The following TATDN2 variants were observed in gnomAD, a reference collection of about 807,000 sequenced individuals.
The protein encoded by TATDN2 is 3'-5' RNA nuclease TATDN2.
A neutral mutation model predicts 60.3 loss-of-function variants in TATDN2; 44 were observed. That is an observed-to-expected ratio of 0.73 (90% CI 0.57 to 0.94). TATDN2 has a LOEUF of 0.94. Among genes scored for constraint, TATDN2 ranks in the 40% least tolerant of loss-of-function variants. The pLI is 0.00. For missense variants in TATDN2, 997 were observed against 948.0 expected (o/e 1.05, Z -0.68); for synonymous variants, 399 against 355.8 (o/e 1.12, Z -1.37).
chr3:10,260,241 G>C lies in TATDN2; in HGVS notation c.519G>C (p.Arg173Ser). The C allele has an allele frequency of 6.2e-7, 1 of 1,614,204 alleles. No individual in the cohort carries two copies. The highest frequency in any genetic ancestry group is 8.5e-7 in the Non-Finnish European group (1 of 1,180,046). ...AGGAACCCAACAAGGTCCAGAAAAG[G>C]AAGAGGGATAGACTTCGAGACCAGG... ...TIEEPNKVQK[R>S]KRDRLRDQGS... Residue 173 changes from arginine (R) to serine (S), a missense_variant, in exon 3 of 8, where the codon AGG (arginine) becomes AGC (serine). Transcript: ENST00000448281.
rs1698665591 is a variant in TATDN2 at position 10,278,174 on chromosome 3, TTTC to T, written c.1962-104_1962-102del. 7.4e-7 allele frequency: 1 copy of T among 1,344,894 alleles called. No homozygotes were observed. The highest frequency in any genetic ancestry group is 1.0e-6 in the Non-Finnish European group (1 of 973,282). 83.3% of individuals were successfully genotyped at this position (1,344,894 alleles called of 1,614,324 possible). A position where few individuals can be genotyped will look rare whatever the true frequency, so the allele number is the denominator to read the frequency against. On this transcript the variant is annotated intron_variant, in intron 5 of 7. Transcript: ENST00000448281. This position sits in a 1 kb window ranked among gnomAD's most constrained non-coding sequence, Gnocchi z 4.7. The stretch of plus-strand genomic sequence containing the variant: ...TGGAGTCCTTCCCTAGGATGCAGTC[TTTC>T]CATTTCTGGGAATCATTGAAAAGGG...
At chr3:10,266,719 A>G (rs1401520002) in intron 3 of TATDN2, among the ~76,000 whole-genome samples, 1 of 152,210 alleles carries the variant, frequency 6.6e-6, no homozygotes, top group African/African-American at 2.4e-5. Context: ...TATTTACACC[A>G]TCAGGCATGG....
intron 5 of TATDN2, among the ~76,000 whole-genome samples, chr3:10,277,827 A>G (rs1698660959): frequency 6.6e-6 from 1 of 152,258 alleles, no homozygotes; most frequent in Non-Finnish European, 1.5e-5. Context: ...TGGCACCAAG[A>G]ACATGAACAG....
rs892909885 is a variant in TATDN2 at position 10,274,420 on chromosome 3, G to A, written c.1834-1941G>A. Among the ~76,000 whole-genome samples the A allele has an allele frequency of 3.9e-5, 6 of 152,314 alleles. No individual in the cohort carries two copies. The East Asian group carries it at 1.2e-3, about 29-fold the overall frequency. ...AAATTAGGAAATTAAATAGTTTTAA[G>A]TGTCTTTTCTACTCGTGAAATTTTC... On this transcript the variant is annotated intron_variant, in intron 4 of 7. Coordinates refer to ENST00000448281, the MANE Select transcript of TATDN2 (RefSeq NM_014760.4).
chr3:10,270,327 A>G lies in TATDN2; in HGVS notation c.1145A>G (p.Tyr382Cys), dbSNP rs929618355. The G allele has an allele frequency of 1.2e-6, 2 of 1,614,048 alleles. No individual in the cohort carries two copies. The highest frequency in any genetic ancestry group is 4.5e-5 in the East Asian group (2 of 44,882). Reference protein sequence around the residue: ...PHLYSSPWCDYASYWTSSPKP... With the variant: ...PHLYSSPWCDCASYWTSSPKP... The stretch of plus-strand genomic sequence containing the variant: ...TTGTACAGTAGTCCTTGGTGTGACT[A>G]CGCCAGCTATTGGACCAGCAGCCCC... The change falls in exon 4 of 8, where the codon TAC becomes TGC. Residue 382 changes from tyrosine to cysteine, a missense_variant. Transcript: ENST00000448281.
At position 10,249,206 on chromosome 3, in the gene TATDN2, G is replaced by C; in HGVS notation, c.6G>C (p.Ala2=). ...CCTGTACCTTGCAGGTGCCCATGGC[G>C]TCCGAGCGGGGCAAGGTCAAGCACA... M[A]SERGKVKHNW... Residue 2 remains alanine (A), a synonymous_variant, in exon 2 of 8, where the codon GCG becomes GCC. Transcript: ENST00000448281. The C allele has an allele frequency of 6.6e-7, 1 of 1,511,474 alleles. No homozygotes were observed. The allele number at this position is 1,511,474 out of a possible 1,614,324, so 93.6% of individuals were successfully genotyped here.
At chr3:10,269,362 A>G (rs1317982635) in intron 3 of TATDN2, among the ~76,000 whole-genome samples, 1 of 152,236 alleles carries the variant, frequency 6.6e-6, no homozygotes, top group Non-Finnish European at 1.5e-5. Flanking sequence ...GAGGGGTCAT[A>G]GACCCCACTC....
At chr3:10,258,617 C>T (rs112633271) in intron 2 of TATDN2, among the ~76,000 whole-genome samples, 4 of 151,922 alleles carry the variant, frequency 2.6e-5, no homozygotes, top group African/African-American at 7.2e-5. Context: ...TACAGGTGCC[C>T]GCCACCATGC....
intron 3 of TATDN2, among the ~76,000 whole-genome samples, chr3:10,262,832 G>C (rs1249954193): frequency 6.6e-6 from 1 of 151,994 alleles, no homozygotes; most frequent in Non-Finnish European, 1.5e-5. Context: ...ACTTCGCCTG[G>C]CCTCTTCTGG....
At chr3:10,272,115 CT>C (rs567383227) in intron 4 of TATDN2, among the ~76,000 whole-genome samples, 2 of 150,962 alleles carry the variant, frequency 1.3e-5, no homozygotes, top group Non-Finnish European at 3.0e-5. Flanking sequence ...AATTTCTTTT[CT>C]TTTTTTTTCA....
rs2619503 is a variant in TATDN2, at chr3:10,265,044, G to T, written c.948+4374G>T. 5.7e-3 allele frequency among the ~76,000 whole-genome samples: 623 copies of T among 109,710 alleles called. 3 individuals carry two copies. Among genetic ancestry groups the T allele is most frequent in the East Asian group, 0.021 (70 of 3,396 alleles). 72.0% of individuals were successfully genotyped at this position (109,710 alleles called of 152,430 possible). On this transcript the variant is annotated intron_variant, in intron 3 of 7. Transcript: ENST00000448281. ...CTTTTTTTTTTTTTTCCTGTGCGTG[G>T]TTTTTTTTTTTTTTTATTGCTGCCA...
At chr3:10,258,495 A>G (rs1457039030) in intron 2 of TATDN2, among the ~76,000 whole-genome samples, 2 of 145,422 alleles carry the variant, frequency 1.4e-5, no homozygotes, top group East Asian at 2.0e-4. Flanking sequence ...TTTGAGACAG[A>G]GTTTTGCTCT....
At chr3:10,252,129 CAG>C (rs1352586285) in intron 2 of TATDN2, among the ~76,000 whole-genome samples, 1 of 121,202 alleles carries the variant, frequency 8.3e-6, no homozygotes. Context: ...GCCTGGGCAA[CAG>C]AGTGAGACTC....
At chr3:10,255,080 G>A (rs1698288759) in intron 2 of TATDN2, among the ~76,000 whole-genome samples, 1 of 135,718 alleles carries the variant, frequency 7.4e-6, no homozygotes. Context: ...TGGTGCAATT[G>A]GCTCACTGCA....
chr3:10,261,365 C>CTTTT (rs58599009), intron 3 of TATDN2, among the ~76,000 whole-genome samples: 2 of 134,036 alleles, frequency 1.5e-5, no homozygotes, highest in Non-Finnish European at 1.6e-5. Flanking sequence ...CCATCTTTTT[C>CTTTT]TTTTTTTTTT....
At chr3:10,273,727 G>A (rs1476814881) in intron 4 of TATDN2, among the ~76,000 whole-genome samples, 2 of 152,204 alleles carry the variant, frequency 1.3e-5, no homozygotes, top group Non-Finnish European at 2.9e-5. Context: ...ATAGAGAAAA[G>A]CAAAACAATT....
chr3:10,264,317 C>T (rs1249808608), intron 3 of TATDN2, among the ~76,000 whole-genome samples: 1 of 152,188 alleles, frequency 6.6e-6, no homozygotes, highest in African/African-American at 2.4e-5. Flanking sequence ...CTTGGTCTGC[C>T]AGTGAGGTGT....
chr3:10,252,168 A>AAAT (rs1456090362), intron 2 of TATDN2, among the ~76,000 whole-genome samples: 66 of 136,446 alleles, frequency 4.8e-4, no homozygotes, highest in East Asian at 3.5e-3. Context: ...AAAAAAAAAA[A>AAAT]TTTTTTTTTT....
At position 10,270,595 on chromosome 3, in the gene TATDN2, G is replaced by A. The variant is rs142035688; in HGVS notation, c.1413G>A (p.Pro471=). The change falls in exon 4 of 8, where the codon CCG becomes CCA. Residue 471 remains proline (P), a synonymous_variant. Transcript: ENST00000448281. ...EKRTFQEEMP[P]RPCGGHASSS... is the part of the protein sequence containing the mutation. ...GAACATTCCAAGAGGAGATGCCTCCGCGTCCTTGTGGAGGACACGCATCCA... is the reference window on the plus strand; with the variant it reads ...GAACATTCCAAGAGGAGATGCCTCCACGTCCTTGTGGAGGACACGCATCCA... 1.5e-5 allele frequency: 25 copies of A among 1,614,214 alleles called. No individual in the cohort carries two copies. Among genetic ancestry groups the A allele is most frequent in the African/African-American group, 8.0e-5 (6 of 75,054 alleles).
Sources: gnomAD v4.1 joint callset for allele counts (sites outside exome capture counted in the v4.1 genomes callset) on GRCh38, gnomAD v4.1.1 for gene constraint, Gnocchi (gnomAD v3.1) non-coding constraint, MANE v1.5 for transcripts, NCBI Gene and HGNC (gene_info 2026-07-23, HGNC 2026-07-21) for gene names.